FGF12: variants seen among roughly 807,000 people sequenced by gnomAD.
The protein encoded by FGF12 is fibroblast growth factor 12, also known as fibroblast growth factor 12B.
FGF12 carries 14 observed loss-of-function variants against 23.6 expected under a neutral mutation model. That is an observed-to-expected ratio of 0.59 (90% confidence interval 0.39 to 0.93). FGF12 has a LOEUF of 0.93. Ranked by LOEUF, FGF12 falls within the 40% of genes least tolerant of loss-of-function variation. The pLI is 0.00. For missense variants in FGF12, 175 were observed against 217.8 expected (o/e 0.80, Z 1.24); for synonymous variants, 62 against 77.3 (o/e 0.80, Z 1.04).
rs867343822 is a variant in FGF12 at position 192,589,062 on chromosome 3, C to T, written c.13+138119G>A. On this transcript the variant is annotated intron_variant, in intron 2 of 5. Transcript: ENST00000445105. ...GCTTATTTTAAGCTTATTTTTAAGGCGTGGTGGCTCACGCCTGTAATCCCA... is the reference window on the plus strand; with the variant it reads ...GCTTATTTTAAGCTTATTTTTAAGGTGTGGTGGCTCACGCCTGTAATCCCA... 7.9e-5 allele frequency among the ~76,000 whole-genome samples: 12 copies of T among 151,770 alleles called. 1 individual carries two copies. The highest frequency in any genetic ancestry group is 2.1e-4 in the South Asian group (1 of 4,758).
At chr3:192,470,839 T>C (rs987605198) in intron 2 of FGF12, among the ~76,000 whole-genome samples, 7 of 152,182 alleles carry the variant, frequency 4.6e-5, no homozygotes, top group African/African-American at 1.7e-4. Context: ...CTCCATCTTC[T>C]GGACAAATGA....
At chr3:192,179,842 G>A (rs916922279) in intron 4 of FGF12, among the ~76,000 whole-genome samples, 5 of 151,278 alleles carry the variant, frequency 3.3e-5, no homozygotes, top group Non-Finnish European at 5.9e-5. Flanking sequence ...CATTGCATCC[G>A]GCCAGGTTGT....
At chr3:192,183,835 G>A (rs1716310522) in intron 4 of FGF12, among the ~76,000 whole-genome samples, 1 of 152,180 alleles carries the variant, frequency 6.6e-6, no homozygotes, top group South Asian at 2.1e-4. Context: ...ATTAGAACCT[G>A]CTCTCCAGTC....
At chr3:192,601,755 T>C (rs1462838328) in intron 2 of FGF12, among the ~76,000 whole-genome samples, 1 of 152,182 alleles carries the variant, frequency 6.6e-6, no homozygotes, top group East Asian at 1.9e-4. Context: ...AGTATTTGCA[T>C]ATCACCAGTA....
At position 192,345,542 on chromosome 3, in the gene FGF12, C is replaced by T. The variant is rs1186206797; in HGVS notation, c.125-10078G>A. Among the ~76,000 whole-genome samples the T allele has an allele frequency of 2.1e-5, 2 of 94,532 alleles. 1 individual carries two copies. Among genetic ancestry groups the T allele is most frequent in the African/African-American group, 1.6e-4 (2 of 12,340 alleles). 62.0% of individuals were successfully genotyped at this position (94,532 alleles called of 152,430 possible). A position where few individuals can be genotyped will look rare whatever the true frequency, so the allele number is the denominator to read the frequency against. On this transcript the variant is annotated intron_variant, in intron 3 of 5. Transcript: ENST00000445105. The stretch of plus-strand genomic sequence containing the variant: ...CTCTACTAAAAATACAAAAAATTAG[C>T]CGGGCGTGGTAGCGGGCGCCTGTAG...
chr3:192,623,081 A>T (rs1715034798), intron 2 of FGF12, among the ~76,000 whole-genome samples: 2 of 152,204 alleles, frequency 1.3e-5, no homozygotes. Flanking sequence ...AACATCAACC[A>T]TGTAACAGCT....
intron 2 of FGF12, among the ~76,000 whole-genome samples, chr3:192,581,817 T>C (rs1713168414): frequency 6.6e-6 from 1 of 152,188 alleles, no homozygotes; most frequent in Non-Finnish European, 1.5e-5. Context: ...GAATTCTTAA[T>C]TACTCAATGT....
intron 2 of FGF12, among the ~76,000 whole-genome samples, chr3:192,366,266 T>C (rs1234971967): frequency 6.6e-6 from 1 of 152,114 alleles, no homozygotes; most frequent in Non-Finnish European, 1.5e-5. Context: ...TACAGAAAAT[T>C]GTGCAAGAAA....
At chr3:192,167,392 C>T (rs568886248) in intron 5 of FGF12, among the ~76,000 whole-genome samples, 1 of 152,028 alleles carries the variant, frequency 6.6e-6, no homozygotes, top group East Asian at 1.9e-4. Flanking sequence ...CCAGGGCCAG[C>T]ATGTGTGGTT....
Position 192,610,847 on chromosome 3 carries a change from C to A in FGF12, c.13+116334G>T, listed in dbSNP as rs572902230. 8.5e-4 allele frequency among the ~76,000 whole-genome samples: 130 copies of A among 152,112 alleles called. 2 individuals carry two copies. Among genetic ancestry groups the A allele is most frequent in the South Asian group, 7.3e-3 (35 of 4,824 alleles). ...CTTGCTGTGCCCTCAGCCTGGAGAA[C>A]GTTGTCACCCAAATATTCCTTCACC... On this transcript the variant is annotated intron_variant, in intron 2 of 5. Transcript: ENST00000445105.
chr3:192,666,932 T>TAGAC (rs1192864619), intron 2 of FGF12, among the ~76,000 whole-genome samples: 1 of 151,726 alleles, frequency 6.6e-6, no homozygotes, highest in Non-Finnish European at 1.5e-5. Flanking sequence ...GATAGATAGA[T>TAGAC]AGATAGATAG....
chr3:192,650,105 G>T (rs1202491558), intron 2 of FGF12, among the ~76,000 whole-genome samples: 4 of 152,228 alleles, frequency 2.6e-5, no homozygotes, highest in African/African-American at 9.6e-5. Context: ...ACCAAAGAGA[G>T]TCATGGGCGA....
chr3:192,621,995 T>G (rs923659813), intron 2 of FGF12, among the ~76,000 whole-genome samples: 1 of 152,182 alleles, frequency 6.6e-6, no homozygotes, highest in African/African-American at 2.4e-5. Context: ...TCTTTCCAGT[T>G]GTTGGTGAGT....
At chr3:192,462,156 A>G (rs1722883889) in intron 2 of FGF12, among the ~76,000 whole-genome samples, 1 of 152,212 alleles carries the variant, frequency 6.6e-6, no homozygotes, top group South Asian at 2.1e-4. Context: ...AAACACTGAA[A>G]CTATTAAGAA....
In FGF12 at chr3:192,408,991, C is replaced by T; in HGVS notation, c.14-48453G>A. ...CGGTTACCCGGAGTCTGGGTAGGGG[C>T]GCGGGGCGGGGGCAGCTGTTTCCAG... is the stretch of plus-strand genomic sequence containing the variant. On this transcript the variant is annotated intron_variant, in intron 2 of 5. Transcript: ENST00000445105. The surrounding 1 kb of genome is among the most constrained non-coding windows in gnomAD (Gnocchi z 7.3). The T allele has an allele frequency of 2.0e-6, 2 of 978,132 alleles. No individual in the cohort carries two copies. Among genetic ancestry groups the T allele is most frequent in the Non-Finnish European group, 1.2e-6 (1 of 827,722 alleles). 60.6% of individuals were successfully genotyped at this position (978,132 alleles called of 1,614,324 possible).
At chr3:192,304,131 A>G (rs1715491284) in intron 4 of FGF12, among the ~76,000 whole-genome samples, 2 of 152,192 alleles carry the variant, frequency 1.3e-5, no homozygotes, top group Admixed American at 6.5e-5. Context: ...AGGTGTTGCT[A>G]AATTGGAGAC....
At chr3:192,447,974 C>T (rs1046143655) in intron 2 of FGF12, among the ~76,000 whole-genome samples, 1 of 152,180 alleles carries the variant, frequency 6.6e-6, no homozygotes, top group Non-Finnish European at 1.5e-5. Context: ...AACTTCACAG[C>T]CCTTTTTGCC....
chr3:192,351,140 C>T (rs901322968), intron 3 of FGF12, among the ~76,000 whole-genome samples: 1 of 152,120 alleles, frequency 6.6e-6, no homozygotes, highest in Admixed American at 6.6e-5. Flanking sequence ...AAAAAGTTTC[C>T]CATTTTTCAA....
chr3:192,591,292 C>G (rs1713612436), intron 2 of FGF12, among the ~76,000 whole-genome samples: 1 of 151,088 alleles, frequency 6.6e-6, no homozygotes, highest in Non-Finnish European at 1.5e-5. Flanking sequence ...TTGGAGCACT[C>G]TTACATACAT....
Sources: gnomAD v4.1 joint callset for allele counts (sites outside exome capture counted in the v4.1 genomes callset) on GRCh38, gnomAD v4.1.1 for gene constraint, Gnocchi (gnomAD v3.1) non-coding constraint, MANE v1.5 for transcripts, NCBI Gene and HGNC (gene_info 2026-07-23, HGNC 2026-07-21) for gene names.